SPATA9: variants seen among roughly 807,000 people sequenced by gnomAD.
SPATA9 encodes the protein spermatogenesis-associated protein 9.
A neutral mutation model predicts 25.5 loss-of-function variants in SPATA9; 27 were observed. The observed-to-expected ratio is 1.06, with a 90% CI of 0.78 to 1.46. SPATA9 has a LOEUF of 1.46. SPATA9 is among the 40% of genes most tolerant of loss of function. The pLI is 0.00. For synonymous variants in SPATA9, 102 were observed against 105.7 expected, an observed-to-expected ratio of 0.97 and a Z score of 0.21; for missense variants, 282 against 297.5, an observed-to-expected ratio of 0.95 and a Z score of 0.38.
chr5:95,706,531 A>T, the SPATA9 span, among the ~76,000 whole-genome samples: 1 of 152,004 alleles, frequency 6.6e-6, no homozygotes, highest in African/African-American at 2.4e-5. Flanking sequence ...AGCCAATTAA[A>T]TCTCTTTTCT....
chr5:95,693,981 C>T (rs114446413), intron 1 of SPATA9, among the ~76,000 whole-genome samples: 5 of 151,908 alleles, frequency 3.3e-5, no homozygotes, highest in African/African-American at 4.8e-5. Context: ...GGTAACACAG[C>T]GAGACCCCAT....
intron 1 of SPATA9, among the ~76,000 whole-genome samples, chr5:95,697,418 G>A (rs1754050347): frequency 6.6e-6 from 1 of 152,170 alleles, no homozygotes; most frequent in Admixed American, 6.5e-5. Flanking sequence ...GTCCCATGGT[G>A]AGCAGTTCAA....
At chr5:95,656,161 A>G (rs1252777964), downstream of SPATA9, 1 of 1,614,080 alleles carries the variant, frequency 6.2e-7, no homozygotes, top group African/African-American at 1.3e-5. Context: ...GCAAAACCCA[A>G]GTGGTGCTCC....
At chr5:95,727,619 C>A in the SPATA9 span, among the ~76,000 whole-genome samples, 16 of 152,156 alleles carry the variant, frequency 1.1e-4, no homozygotes, top group Non-Finnish European at 5.9e-5. Context: ...CATGTGATAT[C>A]TGTTCTGTTA....
chr5:95,689,103 C>G (rs1231190307), intron 1 of SPATA9, among the ~76,000 whole-genome samples: 1 of 152,168 alleles, frequency 6.6e-6, no homozygotes, highest in East Asian at 1.9e-4. Context: ...ATTTTAAAAA[C>G]TGTAACCCGT....
intron 1 of SPATA9, among the ~76,000 whole-genome samples, chr5:95,696,765 A>T (rs1754033456): frequency 6.6e-6 from 1 of 152,200 alleles, no homozygotes; most frequent in Non-Finnish European, 1.5e-5. Flanking sequence ...TGGGAGCAGC[A>T]CTGAGTCTAG....
At chr5:95,731,194 G>C in the SPATA9 span, 1 of 1,004,182 alleles carries the variant, frequency 1.0e-6, no homozygotes. Flanking sequence ...GAGCTCCCGG[G>C]GCCTCCGCGG....
chr5:95,705,215 C>T, the SPATA9 span, among the ~76,000 whole-genome samples: 1 of 152,190 alleles, frequency 6.6e-6, no homozygotes, highest in African/African-American at 2.4e-5. Context: ...GATTTGCCCA[C>T]CTCAGCCTCC....
intron 2 of SPATA9, among the ~76,000 whole-genome samples, chr5:95,678,777 T>G (rs1254848641): frequency 6.6e-6 from 1 of 152,220 alleles, no homozygotes; most frequent in African/African-American, 2.4e-5. Context: ...AATAATCTGC[T>G]TAACAACGGA....
At chr5:95,669,339 T>G (rs1752129960) in intron 3 of SPATA9, among the ~76,000 whole-genome samples, 1 of 152,176 alleles carries the variant, frequency 6.6e-6, no homozygotes, top group African/African-American at 2.4e-5. Flanking sequence ...GGCAGGCCCA[T>G]GTGGGACCTA....
At chr5:95,695,796 T>C (rs1211299332) in intron 1 of SPATA9, among the ~76,000 whole-genome samples, 1 of 152,240 alleles carries the variant, frequency 6.6e-6, no homozygotes, top group Non-Finnish European at 1.5e-5. Flanking sequence ...CTGGTCTTCA[T>C]GCCCTGGTGT....
intron 1 of SPATA9, among the ~76,000 whole-genome samples, chr5:95,695,935 C>G (rs1754009725): frequency 6.6e-6 from 1 of 152,328 alleles, no homozygotes; most frequent in African/African-American, 2.4e-5. Context: ...CTTTCTCTCT[C>G]TGAATCCCCA....
chr5:95,671,935 G>T (rs1752423334), intron 3 of SPATA9, among the ~76,000 whole-genome samples: 2 of 148,802 alleles, frequency 1.3e-5, no homozygotes, highest in African/African-American at 5.0e-5. Flanking sequence ...AAAAAAACCA[G>T]AAATGCTATA....
chr5:95,709,782 C>T, the SPATA9 span, among the ~76,000 whole-genome samples: 1 of 152,184 alleles, frequency 6.6e-6, no homozygotes, highest in African/African-American at 2.4e-5. Flanking sequence ...CAATTTCACA[C>T]TTTTCTTCTG....
At chr5:95,727,379 C>T in the SPATA9 span, among the ~76,000 whole-genome samples, 1 of 152,296 alleles carries the variant, frequency 6.6e-6, no homozygotes, top group South Asian at 2.1e-4. Context: ...GGAACCAACA[C>T]GTTTTTCAAA....
At chr5:95,683,181 T>C (rs1462018779), upstream of SPATA9, among the ~76,000 whole-genome samples, 3 of 152,172 alleles carry the variant, frequency 2.0e-5, no homozygotes, top group Non-Finnish European at 1.5e-5. Flanking sequence ...TCTGCAGTGA[T>C]ACCACAAATA....
chr5:95,655,944 C>A, downstream of SPATA9: 6 of 1,072,190 alleles, frequency 5.6e-6, no homozygotes, highest in Non-Finnish European at 8.1e-6. Flanking sequence ...AAAAGAAAAG[C>A]TAACCTGTTT....
intron 3 of SPATA9, among the ~76,000 whole-genome samples, chr5:95,667,328 G>A (rs534245790): frequency 8.3e-6 from 1 of 120,762 alleles, no homozygotes; most frequent in African/African-American, 3.2e-5. Flanking sequence ...GGGGGTGGGG[G>A]TGCTGGGGGT....
the SPATA9 span, among the ~76,000 whole-genome samples, chr5:95,711,289 C>T: frequency 0.24 from 36,890 of 151,916 alleles, 4,673 homozygotes; most frequent in East Asian, 0.49. Context: ...TTTCTGGCCT[C>T]TCTCCAGATA....
Sources: allele counts gnomAD v4.1 joint callset (sites outside exome capture counted in the v4.1 genomes callset), GRCh38; gene constraint gnomAD v4.1.1; transcripts MANE v1.5; gene names NCBI Gene and HGNC (gene_info 2026-07-23, HGNC 2026-07-21).